Variants in NFAM1 observed in about 807,000 individuals in gnomAD.
NFAM1 encodes the protein NFAT activating protein with ITAM motif 1.
Under a neutral mutation model 29.0 loss-of-function variants are expected in NFAM1, and 17 were observed. That is an observed-to-expected ratio of 0.59 (90% CI 0.40 to 0.88). The LOEUF (loss-of-function observed/expected upper bound fraction) is 0.88, where lower values mean the gene tolerates loss of function less well. NFAM1 is among the 40% of genes least tolerant of loss of function. The pLI, the probability that NFAM1 is intolerant of heterozygous loss-of-function variation, is 0.00. For synonymous variants in NFAM1, 175 were observed against 147.2 expected, an observed-to-expected ratio of 1.19 and a Z score of -1.36; for missense variants, 324 against 344.6, an observed-to-expected ratio of 0.94 and a Z score of 0.47.
intron 1 of NFAM1, among the ~76,000 whole-genome samples, chr22:42,415,521 A>G (rs980224672): frequency 1.3e-4 from 20 of 151,836 alleles, no homozygotes; most frequent in African/African-American, 4.4e-4. Flanking sequence ...GAATGGTCTC[A>G]ATCTCCTGAC....
chr22:42,420,658 C>T (rs113169579), intron 1 of NFAM1, among the ~76,000 whole-genome samples: 8,329 of 151,298 alleles, frequency 0.055, 391 homozygotes, highest in African/African-American at 0.12. Context: ...CCCAGCTACT[C>T]GGGAGGCTGA....
rs146966269 is a variant in NFAM1 at position 42,424,635 on chromosome 22, G to A, written c.121+7602C>T. ...GCAGGAGGCAGACAGTTGGGGGAGG[G>A]GTGTGGAGAGAGGTTTCAAACGCAA... On this transcript the variant is annotated intron_variant, in intron 1 of 5. Transcript: ENST00000329021. 1.1e-3 allele frequency among the ~76,000 whole-genome samples: 170 copies of A among 152,206 alleles called. No individual in the cohort carries two copies. In the Middle Eastern group the frequency reaches 0.014, roughly 12 times the overall value.
chr22:42,408,891 CACA>C (rs965472910), intron 3 of NFAM1, among the ~76,000 whole-genome samples: 2 of 152,204 alleles, frequency 1.3e-5, no homozygotes, highest in South Asian at 4.1e-4. Context: ...CTGGGCAAAT[CACA>C]ACGTCTCTGA....
Position 42,382,442 on chromosome 22 carries a change from G to A in NFAM1, c.*2719C>T, listed in dbSNP as rs1279532999. On this transcript the variant is annotated 3_prime_UTR_variant, in exon 6 of 6. Coordinates refer to ENST00000329021, the MANE Select transcript of NFAM1 (RefSeq NM_145912.8). ...ACAAGGCTGTGGGAGGTGGAGCAGG[G>A]ATTCAAGGGAGGCCCTGAGGCCACC... 1 of 152,226 alleles carries A rather than the reference G, an allele frequency of 6.6e-6. No homozygotes were observed. The highest frequency in any genetic ancestry group is 1.9e-4 in the East Asian group (1 of 5,150). 9.4% of individuals were successfully genotyped at this position (152,226 alleles called of 1,614,324 possible).
intron 3 of NFAM1, among the ~76,000 whole-genome samples, chr22:42,407,903 C>CT (rs61407898): frequency 0.042 from 4,383 of 103,234 alleles, 143 homozygotes; most frequent in Non-Finnish European, 0.057. Context: ...ACAGATTTCT[C>CT]TTTTTTTTTT....
At chr22:42,390,552 C>T (rs548172875) in intron 4 of NFAM1, among the ~76,000 whole-genome samples, 2 of 152,232 alleles carry the variant, frequency 1.3e-5, no homozygotes, top group African/African-American at 2.4e-5. Context: ...TGTGGTGGCT[C>T]ACCCCTGTAA....
chr22:42,420,349 G>A (rs747349588), intron 1 of NFAM1, among the ~76,000 whole-genome samples: 1 of 152,132 alleles, frequency 6.6e-6, no homozygotes, highest in Non-Finnish European at 1.5e-5. Flanking sequence ...TGGCATGCCT[G>A]TAGTCCTAGC....
chr22:42,400,729 C>A (rs189603688), intron 3 of NFAM1, among the ~76,000 whole-genome samples: 1 of 152,334 alleles, frequency 6.6e-6, no homozygotes, highest in Non-Finnish European at 1.5e-5. Flanking sequence ...GGCTGCCTCC[C>A]CTGCACCACC....
intron 2 of NFAM1, among the ~76,000 whole-genome samples, chr22:42,411,164 C>A (rs1182135950): frequency 6.6e-6 from 1 of 151,676 alleles, no homozygotes. Flanking sequence ...GCTGGGATTA[C>A]AGGCACCTGC....
chr22:42,405,836 C>T (rs964312497), intron 3 of NFAM1, among the ~76,000 whole-genome samples: 2 of 152,162 alleles, frequency 1.3e-5, no homozygotes, highest in African/African-American at 2.4e-5. Flanking sequence ...GGACCATTCG[C>T]GCCAGTGTCA....
At chr22:42,423,541 C>A (rs1930517438) in intron 1 of NFAM1, among the ~76,000 whole-genome samples, 1 of 136,458 alleles carries the variant, frequency 7.3e-6, no homozygotes, top group South Asian at 2.2e-4. Flanking sequence ...ATAGCAAGAC[C>A]CCATTTCTGA....
At chr22:42,429,662 G>A (rs1032460464) in intron 1 of NFAM1, among the ~76,000 whole-genome samples, 2 of 152,146 alleles carry the variant, frequency 1.3e-5, no homozygotes, top group Admixed American at 6.5e-5. Flanking sequence ...GAATGCCCCT[G>A]GCCTGTACTC....
chr22:42,397,017 G>A (rs1021337303), intron 4 of NFAM1, among the ~76,000 whole-genome samples: 1 of 150,362 alleles, frequency 6.7e-6, no homozygotes, highest in Admixed American at 6.6e-5. Flanking sequence ...CGTGGAGTGG[G>A]GAGCCCACCT....
intron 3 of NFAM1, among the ~76,000 whole-genome samples, chr22:42,407,120 C>T (rs112554524): frequency 0.038 from 5,546 of 145,292 alleles, 353 homozygotes; most frequent in African/African-American, 0.14. Flanking sequence ...CGCTGTGTTG[C>T]CCAGGGGCTG....
chr22:42,384,183 G>A lies in NFAM1; in HGVS notation c.*978C>T, dbSNP rs147496574. The A allele has an allele frequency of 6.1e-3, 930 of 153,088 alleles. 3 individuals carry two copies. Among genetic ancestry groups the A allele is most frequent in the African/African-American group, 0.021 (889 of 41,560 alleles). 9.5% of individuals were successfully genotyped at this position (153,088 alleles called of 1,614,324 possible). On this transcript the variant is annotated 3_prime_UTR_variant, in exon 6 of 6. Transcript: ENST00000329021. ...ATGGCAGATAAAGATAGAGGAGGAG[G>A]GCTGGATGAAGCCACAGGTGGTGGG...
At position 42,419,710 on chromosome 22, in the gene NFAM1, C is replaced by A. The variant is rs1013606766; in HGVS notation, c.122-7974G>T. On this transcript the variant is annotated intron_variant, in intron 1 of 5. Transcript: ENST00000329021. The surrounding 1 kb of genome is among the most constrained non-coding windows in gnomAD (Gnocchi z 4.5). ...TTCCGGCTGTGCGGAATGTCCTACCCATTCCTTCCTCTCCTGGGCTTTGGG... is the reference window on the plus strand; with the variant it reads ...TTCCGGCTGTGCGGAATGTCCTACCAATTCCTTCCTCTCCTGGGCTTTGGG... Among the ~76,000 whole-genome samples the A allele has an allele frequency of 2.0e-5, 3 of 152,206 alleles. No individual in the cohort carries two copies. The highest frequency in any genetic ancestry group is 4.4e-5 in the Non-Finnish European group (3 of 68,050).
chr22:42,410,191 T>C lies in NFAM1; in HGVS notation c.452-644A>G, dbSNP rs576101971. ...GTCCTTGGAAGGCAGAGGATCGCCA[T>C]GAAGACCAGGCCCAAGATCACATCG... On this transcript the variant is annotated intron_variant, in intron 2 of 5. Coordinates refer to ENST00000329021, the MANE Select transcript of NFAM1 (RefSeq NM_145912.8). 3.8e-3 allele frequency: 672 copies of C among 178,196 alleles called. 3 individuals are homozygous for C. The highest frequency in any genetic ancestry group is 6.7e-3 in the Non-Finnish European group (547 of 81,992). 11.0% of individuals were successfully genotyped at this position (178,196 alleles called of 1,614,324 possible). A position where few individuals can be genotyped will look rare whatever the true frequency, so the allele number is the denominator to read the frequency against.
intron 2 of NFAM1, chr22:42,410,201 G>T (rs529087799): frequency 5.4e-6 from 1 of 183,614 alleles, no homozygotes; most frequent in African/African-American, 2.4e-5. Flanking sequence ...TGAAGACCAG[G>T]CCCAAGATCA....
intron 4 of NFAM1, among the ~76,000 whole-genome samples, chr22:42,390,208 G>A (rs571916068): frequency 9.2e-5 from 14 of 152,216 alleles, no homozygotes; most frequent in South Asian, 4.2e-4. Flanking sequence ...ACATCCTGAC[G>A]CCTCACATTT....
Sources: gnomAD v4.1 joint callset for allele counts (sites outside exome capture counted in the v4.1 genomes callset) on GRCh38, gnomAD v4.1.1 for gene constraint, Gnocchi (gnomAD v3.1) non-coding constraint, MANE v1.5 for transcripts, NCBI Gene and HGNC (gene_info 2026-07-23, HGNC 2026-07-21) for gene names.